The following MMP26 variants were observed in gnomAD, a reference collection of about 807,000 sequenced individuals.
The protein encoded by MMP26 is matrix metalloproteinase-26.
Under a neutral mutation model 31.0 loss-of-function variants are expected in MMP26, and 33 were observed. The ratio of observed to expected loss-of-function variants is 1.06; its 90% confidence interval spans 0.81 to 1.42. MMP26 has a LOEUF of 1.42. MMP26 is among the 40% of genes most tolerant of loss of function. The pLI is 0.00. For missense variants in MMP26, 347 were observed against 316.1 expected, an observed-to-expected ratio of 1.10 and a Z score of -0.74; for synonymous variants, 122 against 114.9, an observed-to-expected ratio of 1.06 and a Z score of -0.40.
intron 1 of MMP26, among the ~76,000 whole-genome samples, chr11:4,749,512 A>G (rs2133299452): frequency 6.6e-6 from 1 of 152,244 alleles, no homozygotes; most frequent in East Asian, 1.9e-4. Flanking sequence ...GCATCACATT[A>G]CTTGACTTCA....
chr11:4,935,790 T>C (rs1371990554), intron 2 of MMP26, among the ~76,000 whole-genome samples: 2 of 151,510 alleles, frequency 1.3e-5, no homozygotes, highest in African/African-American at 2.4e-5. Context: ...GCATGAAGAG[T>C]TGTTGAATTT....
intron 1 of MMP26, chr11:4,722,819 G>T: frequency 1.1e-6 from 1 of 940,744 alleles, no homozygotes; most frequent in Non-Finnish European, 1.7e-6. Context: ...CCCTGGTGGA[G>T]CTGGTGTGGC....
intron 2 of MMP26, among the ~76,000 whole-genome samples, chr11:4,886,895 A>G (rs1487294291): frequency 1.3e-5 from 2 of 151,720 alleles, no homozygotes; most frequent in Non-Finnish European, 2.9e-5. Flanking sequence ...TTTCCCATCC[A>G]TATGTGATTT....
intron 2 of MMP26, among the ~76,000 whole-genome samples, chr11:4,960,442 C>T (rs1846505530): frequency 6.6e-6 from 1 of 151,792 alleles, no homozygotes; most frequent in Admixed American, 6.6e-5. Context: ...GCTCTCTGCC[C>T]AGTCAGGCTA....
chr11:4,898,568 T>C (rs532723672), intron 2 of MMP26, among the ~76,000 whole-genome samples: 1 of 152,268 alleles, frequency 6.6e-6, no homozygotes, highest in East Asian at 1.9e-4. Flanking sequence ...ATTAATGTAT[T>C]TAATATCTTT....
At chr11:4,889,746 C>T (rs1164166015) in intron 2 of MMP26, 1 of 154,192 alleles carries the variant, frequency 6.5e-6, no homozygotes, top group Non-Finnish European at 1.4e-5. Context: ...TCATGGATGC[C>T]AAAGCAGTGC....
intron 2 of MMP26, chr11:4,877,245 A>G (rs1850395442): frequency 6.6e-6 from 1 of 152,178 alleles, no homozygotes; most frequent in Non-Finnish European, 1.5e-5. Context: ...AGTATTGAGC[A>G]TTGCTTCCCA....
At position 4,986,946 on chromosome 11, in the gene MMP26, T is replaced by C. The variant is rs1429426832; in HGVS notation, c.-144-1122T>C. On this transcript the variant is annotated intron_variant, in intron 2 of 7. Coordinates refer to ENST00000380390, the MANE Select transcript of MMP26 (RefSeq NM_021801.5). ...CTCTCTCTCTCCCTCTCTCTCTCTCTCTCTCTCTCTCTCCCTCTCTCTCTC... is the reference window on the plus strand; with the variant it reads ...CTCTCTCTCTCCCTCTCTCTCTCTCCCTCTCTCTCTCTCCCTCTCTCTCTC... Among the ~76,000 whole-genome samples, 103 of 143,026 alleles carry C rather than the reference T, an allele frequency of 7.2e-4. 1 individual carries two copies. Among genetic ancestry groups the C allele is most frequent in the African/African-American group, 2.4e-3 (91 of 37,812 alleles). The allele number at this position is 143,026 out of a possible 152,430, so 93.8% of individuals were successfully genotyped here. A position where few individuals can be genotyped will look rare whatever the true frequency, so the allele number is the denominator to read the frequency against.
chr11:4,976,130 G>A (rs1179190092), intron 2 of MMP26, among the ~76,000 whole-genome samples: 2 of 151,984 alleles, frequency 1.3e-5, no homozygotes, highest in Non-Finnish European at 2.9e-5. Flanking sequence ...AGATAGGATT[G>A]TCCAGTATTC....
intron 2 of MMP26, among the ~76,000 whole-genome samples, chr11:4,896,545 C>T (rs1012726524): frequency 2.0e-5 from 3 of 152,170 alleles, no homozygotes; most frequent in Non-Finnish European, 4.4e-5. Context: ...CTAAACACAT[C>T]AAAGAGAGTC....
chr11:4,810,814 C>G (rs1251367891), intron 2 of MMP26, among the ~76,000 whole-genome samples: 2 of 152,106 alleles, frequency 1.3e-5, no homozygotes, highest in Non-Finnish European at 2.9e-5. Context: ...GTTTCAGTAC[C>G]GAATCCAGAT....
At chr11:4,816,697 CTTT>C (rs747753151) in intron 2 of MMP26, among the ~76,000 whole-genome samples, 15 of 79,392 alleles carry the variant, frequency 1.9e-4, no homozygotes, top group African/African-American at 3.8e-4. Context: ...TGGGTGCCTT[CTTT>C]TTTTTTTTTT....
At chr11:4,741,244 T>G (rs1848307373) in intron 1 of MMP26, among the ~76,000 whole-genome samples, 2 of 152,158 alleles carry the variant, frequency 1.3e-5, no homozygotes, top group Non-Finnish European at 2.9e-5. Flanking sequence ...GTGTTATTTC[T>G]GAGGTCTCAA....
At chr11:4,839,832 G>GT (rs766648983) in intron 2 of MMP26, among the ~76,000 whole-genome samples, 1 of 151,760 alleles carries the variant, frequency 6.6e-6, no homozygotes, top group Non-Finnish European at 1.5e-5. Context: ...CTCTTGCACC[G>GT]TAGGTACCAG....
At chr11:4,778,524 C>A (rs1392527493) in intron 2 of MMP26, among the ~76,000 whole-genome samples, 1 of 152,044 alleles carries the variant, frequency 6.6e-6, no homozygotes, top group African/African-American at 2.4e-5. Context: ...TGCACTATCC[C>A]TGTAATATGC....
intron 1 of MMP26, among the ~76,000 whole-genome samples, chr11:4,726,958 G>A (rs78425194): frequency 0.065 from 9,919 of 152,184 alleles, 393 homozygotes; most frequent in Non-Finnish European, 0.095. Context: ...TGAGGTTGCC[G>A]TGAACTATGA....
chr11:4,763,623 G>A (rs920103071), intron 1 of MMP26, among the ~76,000 whole-genome samples: 2 of 152,140 alleles, frequency 1.3e-5, no homozygotes, highest in African/African-American at 2.4e-5. Flanking sequence ...ACAGCATGCT[G>A]TATTTATTTT....
At chr11:4,928,611 G>T (rs1412611694) in intron 2 of MMP26, among the ~76,000 whole-genome samples, 1 of 151,910 alleles carries the variant, frequency 6.6e-6, no homozygotes, top group African/African-American at 2.4e-5. Context: ...ACTTGTCTTG[G>T]TTTCCCAACC....
intron 2 of MMP26, among the ~76,000 whole-genome samples, chr11:4,811,152 G>A (rs933963376): frequency 2.0e-5 from 3 of 152,114 alleles, no homozygotes; most frequent in Non-Finnish European, 2.9e-5. Flanking sequence ...GGCTGACATT[G>A]TACATTGGAA....
Sources: gnomAD v4.1 joint callset for allele counts (sites outside exome capture counted in the v4.1 genomes callset) on GRCh38, gnomAD v4.1.1 for gene constraint, MANE v1.5 for transcripts, NCBI Gene and HGNC (gene_info 2026-07-23, HGNC 2026-07-21) for gene names.